Variants in ATP10B observed in about 807,000 individuals in gnomAD.
The protein encoded by ATP10B is phospholipid-transporting ATPase VB.
In ATP10B, 122 loss-of-function variants were observed where a neutral mutation model predicts 141.2. The observed-to-expected ratio is 0.86, with a 90% CI of 0.75 to 1.00. ATP10B has a LOEUF of 1.00. Ranked by LOEUF, ATP10B falls within the 50% of genes least tolerant of loss-of-function variation. The pLI is 0.00. For synonymous variants in ATP10B, 685 were observed against 692.0 expected, an observed-to-expected ratio of 0.99 and a Z score of 0.16; for missense variants, 1,876 against 1,825.3, an observed-to-expected ratio of 1.03 and a Z score of -0.51.
chr5:160,609,006 C>T (rs1240767009), intron 18 of ATP10B, among the ~76,000 whole-genome samples: 1 of 152,120 alleles, frequency 6.6e-6, no homozygotes, highest in Non-Finnish European at 1.5e-5. Flanking sequence ...AGTCTTTGCC[C>T]ATGCCTTTGT....
chr5:160,603,692 T>C (rs895587633), intron 20 of ATP10B: 40 of 445,492 alleles, frequency 9.0e-5, no homozygotes, highest in Non-Finnish European at 1.5e-4. Flanking sequence ...GAAATACAAT[T>C]GTTAATGGCT....
chr5:160,567,834 AATG>A (rs553730906), intron 25 of ATP10B, among the ~76,000 whole-genome samples: 118 of 152,330 alleles, frequency 7.7e-4, no homozygotes, highest in African/African-American at 2.8e-3. Flanking sequence ...ACTTTGAGCC[AATG>A]ATAATGGACT....
intron 2 of ATP10B, among the ~76,000 whole-genome samples, chr5:160,754,307 G>T (rs1199258972): frequency 6.6e-6 from 1 of 152,124 alleles, no homozygotes; most frequent in Non-Finnish European, 1.5e-5. Flanking sequence ...CTCAAGAAGA[G>T]ACTTTCTGGG....
At chr5:160,783,247 A>G (rs1000265497) in intron 2 of ATP10B, among the ~76,000 whole-genome samples, 3 of 151,580 alleles carry the variant, frequency 2.0e-5, no homozygotes, top group Admixed American at 6.6e-5. Context: ...TAGCTCCCAC[A>G]TATCAGTGAG....
intron 24 of ATP10B, among the ~76,000 whole-genome samples, chr5:160,578,272 G>A (rs1044946459): frequency 7.9e-5 from 12 of 152,164 alleles, no homozygotes; most frequent in East Asian, 7.7e-4. Context: ...AGGCATACAC[G>A]TGCCATGGTG....
intron 2 of ATP10B, among the ~76,000 whole-genome samples, chr5:160,729,681 G>C (rs546103968): frequency 2.6e-5 from 4 of 152,166 alleles, no homozygotes; most frequent in African/African-American, 9.7e-5. Flanking sequence ...GGTAGAGATA[G>C]GTCAAAAGGT....
At chr5:160,590,345 C>G (rs1561631856) in intron 23 of ATP10B, among the ~76,000 whole-genome samples, 1 of 152,066 alleles carries the variant, frequency 6.6e-6, no homozygotes, top group Admixed American at 6.6e-5. Context: ...ACACAAGATC[C>G]CTGCCTCCCC....
At chr5:160,624,539 G>C (rs1458494117) in intron 13 of ATP10B, among the ~76,000 whole-genome samples, 1 of 152,186 alleles carries the variant, frequency 6.6e-6, no homozygotes, top group Non-Finnish European at 1.5e-5. Context: ...GAAAACAATT[G>C]TGTGAACCAT....
At chr5:160,573,045 G>A (rs1329533987) in intron 24 of ATP10B, among the ~76,000 whole-genome samples, 1 of 152,162 alleles carries the variant, frequency 6.6e-6, no homozygotes, top group Non-Finnish European at 1.5e-5. Context: ...TATCCTTCTA[G>A]TATGGGCTGA....
At chr5:160,821,703 G>A (rs903560552) in intron 1 of ATP10B, among the ~76,000 whole-genome samples, 4 of 151,922 alleles carry the variant, frequency 2.6e-5, no homozygotes, top group Non-Finnish European at 4.4e-5. Flanking sequence ...AGTTAAATCC[G>A]TACATCTATA....
chr5:160,665,356 C>G (rs1409419801), intron 7 of ATP10B, among the ~76,000 whole-genome samples: 3 of 152,164 alleles, frequency 2.0e-5, no homozygotes, highest in Admixed American at 6.5e-5. Context: ...TTCTTTGTTA[C>G]CCTTCACCTG....
intron 13 of ATP10B, among the ~76,000 whole-genome samples, chr5:160,624,522 T>C (rs1758513034): frequency 6.6e-6 from 1 of 152,348 alleles, no homozygotes; most frequent in Non-Finnish European, 1.5e-5. Context: ...TTTCCTTCCA[T>C]TGCCCTGAAA....
intron 24 of ATP10B, among the ~76,000 whole-genome samples, chr5:160,584,415 G>A (rs925226071): frequency 6.6e-6 from 1 of 152,116 alleles, no homozygotes; most frequent in African/African-American, 2.4e-5. Context: ...TTGGAAATGC[G>A]GAAATCACCC....
intron 7 of ATP10B, among the ~76,000 whole-genome samples, chr5:160,666,500 T>G (rs1762326584): frequency 6.6e-6 from 1 of 152,340 alleles, no homozygotes; most frequent in South Asian, 2.1e-4. Flanking sequence ...GCACCTGTCC[T>G]TCTCCTTGGG....
chr5:160,622,577 A>G lies in ATP10B; in HGVS notation c.1629T>C (p.Asp543=). 1 of 1,609,356 alleles carries G rather than the reference A, an allele frequency of 6.2e-7. No individual in the cohort carries two copies. Among genetic ancestry groups the G allele is most frequent in the Non-Finnish European group, 8.5e-7 (1 of 1,177,522 alleles). Residue 543 remains aspartate (D), a synonymous_variant, in exon 14 of 26, where the codon GAT becomes GAC. Coordinates refer to ENST00000327245, the MANE Select transcript of ATP10B (RefSeq NM_025153.3). ...PVAFSSSIEK[D]VTPDKNLLTK... ...TCAGTAGGTTTTTATCTGGAGTTAC[A>G]TCTTTTTCCTGGAAGAGAAAGGCCA...
chr5:160,589,780 G>T, intron 23 of ATP10B, 84 bp from the exon 24 acceptor site: 1 of 988,850 alleles, frequency 1.0e-6, no homozygotes, highest in Non-Finnish European at 1.6e-6. Flanking sequence ...AAGCATCAAT[G>T]AAGGCAGTTG....
At chr5:160,777,003 A>G (rs1770380011) in intron 2 of ATP10B, among the ~76,000 whole-genome samples, 1 of 152,216 alleles carries the variant, frequency 6.6e-6, no homozygotes, top group African/African-American at 2.4e-5. Flanking sequence ...GGGATAAAAC[A>G]ACGTAAAGGC....
chr5:160,668,105 G>A (rs758492837), intron 7 of ATP10B, among the ~76,000 whole-genome samples: 1 of 151,804 alleles, frequency 6.6e-6, no homozygotes, highest in Non-Finnish European at 1.5e-5. Context: ...GGTAGTGCAC[G>A]CCTGTAATTC....
At chr5:160,882,483 T>C in the ATP10B span, among the ~76,000 whole-genome samples, 4 of 152,162 alleles carry the variant, frequency 2.6e-5, no homozygotes, top group Admixed American at 6.5e-5. Context: ...GGTCTGGCCA[T>C]GTTGCCTAGC....
Sources: allele counts gnomAD v4.1 joint callset (sites outside exome capture counted in the v4.1 genomes callset), GRCh38; gene constraint gnomAD v4.1.1; transcripts MANE v1.5; gene names NCBI Gene and HGNC (gene_info 2026-07-23, HGNC 2026-07-21).